The following ENO4 variants were observed in gnomAD, a reference collection of about 807,000 sequenced individuals.
ENO4 encodes the protein enolase 4.
A neutral mutation model predicts 63.2 loss-of-function variants in ENO4; 53 were observed. That is an observed-to-expected ratio of 0.84 (90% CI 0.67 to 1.05). The LOEUF is 1.05. ENO4 is among the 50% of genes least tolerant of loss of function. The pLI is 0.00. For synonymous variants in ENO4, 266 were observed against 283.8 expected (o/e 0.94, Z 0.63); for missense variants, 719 against 772.0 (o/e 0.93, Z 0.81).
At chr10:116,876,592 T>C (rs958810332) in intron 11 of ENO4, among the ~76,000 whole-genome samples, 1 of 152,248 alleles carries the variant, frequency 6.6e-6, no homozygotes, top group Non-Finnish European at 1.5e-5. Flanking sequence ...CGAAAGGGCA[T>C]AGCCTTCAGC....
chr10:116,883,466 T>G (rs914078359), downstream of ENO4: 1 of 152,222 alleles, frequency 6.6e-6, no homozygotes, highest in African/African-American at 2.4e-5. Flanking sequence ...TCAGTGATAA[T>G]GACAGATGGT....
At chr10:116,868,946 C>T (rs1217642516) in intron 8 of ENO4, among the ~76,000 whole-genome samples, 1 of 152,110 alleles carries the variant, frequency 6.6e-6, no homozygotes, top group Non-Finnish European at 1.5e-5. Flanking sequence ...TCTCACAGGG[C>T]TAGGAAGCAT....
intron 3 of ENO4, among the ~76,000 whole-genome samples, chr10:116,857,998 CT>C (rs959523295): frequency 6.6e-5 from 10 of 151,766 alleles, no homozygotes; most frequent in South Asian, 2.1e-4. Flanking sequence ...TCCTCTATTC[CT>C]TTTTTTTCCC....
chr10:116,911,890 A>C (rs1181793530), downstream of ENO4: 1 of 1,362,964 alleles, frequency 7.3e-7, no homozygotes, highest in Non-Finnish European at 1.1e-6. Flanking sequence ...TTCAGTTTAA[A>C]AATACTAAAC....
At chr10:116,891,494 C>T (rs1249167520) in intron 10 of ENO4, among the ~76,000 whole-genome samples, 4 of 152,240 alleles carry the variant, frequency 2.6e-5, no homozygotes, top group East Asian at 3.9e-4. Flanking sequence ...CCATATTTAC[C>T]GCCTTCAAGG....
intron 10 of ENO4, among the ~76,000 whole-genome samples, chr10:116,910,465 T>G (rs1221789882): frequency 6.6e-6 from 1 of 152,198 alleles, no homozygotes; most frequent in Non-Finnish European, 1.5e-5. Context: ...GAATATGGTA[T>G]TTAAGAGTAA....
chr10:116,873,762 T>G, intron 9 of ENO4: 1 of 482,992 alleles, frequency 2.1e-6, no homozygotes, highest in South Asian at 8.9e-5. Context: ...ATTGTCCATC[T>G]ACGCAGGCAG....
rs1257159912 is a variant in ENO4 at position 116,860,879 on chromosome 10, C to G, written c.720C>G (p.Ala240=). Residue 240 remains alanine (A), a synonymous_variant, in exon 5 of 14, where the codon GCC becomes GCG. Coordinates refer to ENST00000341276, the MANE Select transcript of ENO4 (RefSeq NM_001242699.2). ...PVLSGSMAIG[A]VSLAVAKACA... ...TCAGTGGCAGTATGGCCATAGGGGC[C>G]GTGTCACTAGCTGTTGCCAAAGCCT... 10 of 1,549,630 alleles carry G rather than the reference C, an allele frequency of 6.5e-6. No homozygotes were observed. The highest frequency in any genetic ancestry group is 7.9e-6 in the Non-Finnish European group (9 of 1,146,358).
chr10:116,908,415 A>C (rs1026405636), intron 10 of ENO4, among the ~76,000 whole-genome samples: 16 of 152,192 alleles, frequency 1.1e-4, no homozygotes, highest in African/African-American at 3.6e-4. Flanking sequence ...GTCACACCAT[A>C]AGGTATGACC....
intron 10 of ENO4, chr10:116,901,715 T>G: frequency 6.9e-6 from 10 of 1,454,628 alleles, no homozygotes; most frequent in Non-Finnish European, 9.0e-6. Context: ...CACAAGTTAG[T>G]CATTACAGAT....
chr10:116,905,816 C>A (rs1481651469), intron 10 of ENO4, among the ~76,000 whole-genome samples: 1 of 152,174 alleles, frequency 6.6e-6, no homozygotes, highest in South Asian at 2.1e-4. Context: ...TACCTGGTCA[C>A]AAGGGGAAAC....
At chr10:116,854,535 G>C (rs1231658445) in intron 1 of ENO4, among the ~76,000 whole-genome samples, 1 of 149,516 alleles carries the variant, frequency 6.7e-6, no homozygotes, top group Non-Finnish European at 1.5e-5. Context: ...ACTCCAGCCT[G>C]GGTGACAGAG....
chr10:116,850,390 C>CA (rs1353105032), intron 1 of ENO4, among the ~76,000 whole-genome samples: 4 of 152,100 alleles, frequency 2.6e-5, no homozygotes, highest in African/African-American at 9.7e-5. Context: ...CTGCTGGGCT[C>CA]AGAAGCCTTG....
intron 1 of ENO4, 50 bp from the exon 2 acceptor site, chr10:116,855,573 C>T: frequency 6.5e-7 from 1 of 1,534,590 alleles, no homozygotes; most frequent in Non-Finnish European, 8.7e-7. Context: ...CTTTTTTCCC[C>T]AAACAACAAC....
At chr10:116,900,923 T>C (rs1241177589) in intron 10 of ENO4, 10 of 985,286 alleles carry the variant, frequency 1.0e-5, no homozygotes, top group Admixed American at 6.1e-5. Flanking sequence ...TTGGCAAAAA[T>C]AGATCCAAAT....
At chr10:116,911,267 G>A (rs1848179838) in intron 10 of ENO4, among the ~76,000 whole-genome samples, 1 of 152,014 alleles carries the variant, frequency 6.6e-6, no homozygotes, top group African/African-American at 2.4e-5. Flanking sequence ...CCAACTGTCA[G>A]AAAATAAAAC....
chr10:116,880,652 G>A (rs1472102074), intron 13 of ENO4, among the ~76,000 whole-genome samples: 2 of 152,142 alleles, frequency 1.3e-5, no homozygotes, highest in African/African-American at 2.4e-5. Flanking sequence ...GTCTTGAAAT[G>A]CATCCTAGGA....
chr10:116,895,815 G>A (rs1415300438), intron 10 of ENO4, among the ~76,000 whole-genome samples: 1 of 152,150 alleles, frequency 6.6e-6, no homozygotes, highest in Non-Finnish European at 1.5e-5. Context: ...GTAATTTTGG[G>A]CAAGTTGTTT....
chr10:116,871,743 G>A (rs1002715475), intron 9 of ENO4, among the ~76,000 whole-genome samples: 15 of 152,182 alleles, frequency 9.9e-5, no homozygotes, highest in African/African-American at 3.6e-4. Flanking sequence ...AGTTATTGAA[G>A]TTTATGAAGA....
Sources: gnomAD v4.1 joint callset for allele counts (sites outside exome capture counted in the v4.1 genomes callset) on GRCh38, gnomAD v4.1.1 for gene constraint, MANE v1.5 for transcripts, NCBI Gene and HGNC (gene_info 2026-07-23, HGNC 2026-07-21) for gene names.